NWD2: variants seen among roughly 807,000 people sequenced by gnomAD.
The protein encoded by NWD2 is NACHT and WD repeat domain containing 2, also known as NACHT and WD repeat domain-containing protein 2.
NWD2 carries 37 observed loss-of-function variants against 132.7 expected under a neutral mutation model. The ratio of observed to expected loss-of-function variants is 0.28; its 90% CI spans 0.21 to 0.37. NWD2 has a LOEUF of 0.37. NWD2 is among the 10% of genes least tolerant of loss of function. The pLI is 1.00. For missense variants in NWD2, 1,592 were observed against 2,122.4 expected, an observed-to-expected ratio of 0.75 and a Z score of 4.91; for synonymous variants, 705 against 803.0, an observed-to-expected ratio of 0.88 and a Z score of 2.06.
chr4:37,329,175 C>T (rs17575897), intron 2 of NWD2, among the ~76,000 whole-genome samples: 28,480 of 152,022 alleles, frequency 0.19, 2,775 homozygotes, highest in South Asian at 0.32. Flanking sequence ...GCATAACTCC[C>T]GATAATCCAT....
chr4:37,340,587 G>T (rs906773747), intron 2 of NWD2, among the ~76,000 whole-genome samples: 20 of 152,206 alleles, frequency 1.3e-4, no homozygotes, highest in Admixed American at 1.1e-3. Context: ...CATGTGTAAA[G>T]GTTGGGGAGA....
intron 1 of NWD2, among the ~76,000 whole-genome samples, chr4:37,248,648 C>G (rs1201818581): frequency 1.3e-5 from 2 of 152,174 alleles, no homozygotes; most frequent in Non-Finnish European, 2.9e-5. Flanking sequence ...AAATCCTTTA[C>G]TGTGATTAGC....
intron 3 of NWD2, among the ~76,000 whole-genome samples, chr4:37,418,393 A>G (rs1414373059): frequency 2.0e-5 from 3 of 152,140 alleles, no homozygotes; most frequent in Non-Finnish European, 4.4e-5. Context: ...AATGATGTAG[A>G]TACTCTCCTC....
At chr4:37,437,876 C>T (rs1287489856) in intron 5 of NWD2, among the ~76,000 whole-genome samples, 1 of 152,172 alleles carries the variant, frequency 6.6e-6, no homozygotes, top group Non-Finnish European at 1.5e-5. Context: ...TACTAAGTCA[C>T]TTTTTCTGTA....
In NWD2 at chr4:37,245,647, C is replaced by T. The variant is rs951462478; in HGVS notation, c.151+429C>T. Among the ~76,000 whole-genome samples, 10 of 152,182 alleles carry T rather than the reference C, an allele frequency of 6.6e-5. No individual in the cohort carries two copies. The South Asian group carries it at 1.9e-3, about 28-fold the overall frequency. ...CGGGTTCCTGAGTGCGGGGCTACCTCCTTGGCCACTTTTTCCAGCTGAGGC... is the reference window on the plus strand; with the variant it reads ...CGGGTTCCTGAGTGCGGGGCTACCTTCTTGGCCACTTTTTCCAGCTGAGGC... On this transcript the variant is annotated intron_variant, in intron 1 of 6. Coordinates refer to ENST00000309447, the MANE Select transcript of NWD2 (RefSeq NM_001144990.2).
At chr4:37,340,065 C>T (rs1719488289) in intron 2 of NWD2, among the ~76,000 whole-genome samples, 1 of 150,990 alleles carries the variant, frequency 6.6e-6, no homozygotes, top group South Asian at 2.1e-4. Flanking sequence ...AAAGAGCACT[C>T]ATTTAAGAGG....
At chr4:37,267,596 A>C (rs1385635489) in intron 1 of NWD2, among the ~76,000 whole-genome samples, 1 of 151,974 alleles carries the variant, frequency 6.6e-6, no homozygotes, top group Non-Finnish European at 1.5e-5. Flanking sequence ...ATCTAGTCAC[A>C]ATCTATGTAG....
At chr4:37,389,549 G>A (rs1720639138) in intron 3 of NWD2, among the ~76,000 whole-genome samples, 1 of 152,120 alleles carries the variant, frequency 6.6e-6, no homozygotes. Flanking sequence ...TTGACTGAGA[G>A]CTTTTCATGT....
At chr4:37,311,988 ATC>A (rs879410228) in intron 1 of NWD2, among the ~76,000 whole-genome samples, 5,062 of 151,846 alleles carry the variant, frequency 0.033, 285 homozygotes, top group African/African-American at 0.12. Flanking sequence ...ATTGATCTAT[ATC>A]TCTGTTTTGG....
rs117603532 is a variant in NWD2 at position 37,344,312 on chromosome 4, T to C, written c.241-12054T>C. Among the ~76,000 whole-genome samples, 5 of 152,326 alleles carry C rather than the reference T, an allele frequency of 3.3e-5. No individual in the cohort carries two copies. In the East Asian group the frequency reaches 9.6e-4, roughly 29 times the overall value. ...TGAGTTGGCTGTTTCATTTATTTAT[T>C]TCGTCAATGTCTTCCCTGTTGCTTG... On this transcript the variant is annotated intron_variant, in intron 2 of 6. Coordinates refer to ENST00000309447, the MANE Select transcript of NWD2 (RefSeq NM_001144990.2).
chr4:37,393,838 A>G (rs1031310203), intron 3 of NWD2, among the ~76,000 whole-genome samples: 10 of 152,194 alleles, frequency 6.6e-5, no homozygotes, highest in African/African-American at 2.4e-4. Context: ...GGCCACTTGA[A>G]TTGGTCTGAT....
At chr4:37,258,679 G>A (rs1717567803) in intron 1 of NWD2, among the ~76,000 whole-genome samples, 1 of 152,168 alleles carries the variant, frequency 6.6e-6, no homozygotes, top group African/African-American at 2.4e-5. Flanking sequence ...AGCAGGTGGA[G>A]GAAGGCAAGG....
At chr4:37,426,855 T>C (rs1712023507) in intron 3 of NWD2, among the ~76,000 whole-genome samples, 2 of 152,154 alleles carry the variant, frequency 1.3e-5, no homozygotes, top group Non-Finnish European at 2.9e-5. Flanking sequence ...AATCCATAGA[T>C]TTGACTGAAT....
chr4:37,368,339 A>G (rs1720141273), intron 3 of NWD2, among the ~76,000 whole-genome samples: 1 of 152,182 alleles, frequency 6.6e-6, no homozygotes, highest in South Asian at 2.1e-4. Flanking sequence ...TGCTATATCC[A>G]ACGAACCTAA....
At chr4:37,385,842 A>T (rs1340650483) in intron 3 of NWD2, among the ~76,000 whole-genome samples, 3 of 152,236 alleles carry the variant, frequency 2.0e-5, no homozygotes, top group African/African-American at 7.2e-5. Flanking sequence ...AATGTCTACC[A>T]AGTGCTCAGC....
chr4:37,343,437 G>T (rs764111977), intron 2 of NWD2, among the ~76,000 whole-genome samples: 1 of 152,138 alleles, frequency 6.6e-6, no homozygotes, highest in Non-Finnish European at 1.5e-5. Flanking sequence ...TCTTTTAAAA[G>T]CTATGTGTTA....
intron 6 of NWD2, among the ~76,000 whole-genome samples, chr4:37,440,129 A>G (rs114369116): frequency 0.014 from 2,075 of 152,102 alleles, 57 homozygotes; most frequent in African/African-American, 0.048. Context: ...TTCCCTGAGC[A>G]TCTCTTACCT....
chr4:37,276,068 G>A (rs747988513), intron 1 of NWD2, among the ~76,000 whole-genome samples: 1 of 152,094 alleles, frequency 6.6e-6, no homozygotes, highest in Non-Finnish European at 1.5e-5. Context: ...AACACCAAAA[G>A]CAATGGCAAC....
At chr4:37,438,202 A>G (rs1025821956) in intron 5 of NWD2, among the ~76,000 whole-genome samples, 2 of 151,854 alleles carry the variant, frequency 1.3e-5, no homozygotes, top group Non-Finnish European at 2.9e-5. Flanking sequence ...CGGAGCTTGC[A>G]GTGAGCCGAG....
Sources: allele counts gnomAD v4.1 joint callset (sites outside exome capture counted in the v4.1 genomes callset), GRCh38; gene constraint gnomAD v4.1.1; transcripts MANE v1.5; gene names NCBI Gene and HGNC (gene_info 2026-07-23, HGNC 2026-07-21).